The following CORO2B variants were observed in gnomAD, a reference collection of about 807,000 sequenced individuals.
CORO2B encodes the protein coronin 2B.
Under a neutral mutation model 58.8 loss-of-function variants are expected in CORO2B, and 26 were observed. That is an observed-to-expected ratio of 0.44 (90% CI 0.32 to 0.61). The LOEUF (loss-of-function observed/expected upper bound fraction) is 0.61, where lower values mean the gene tolerates loss of function less well. Ranked by LOEUF, CORO2B falls within the 20% of genes least tolerant of loss-of-function variation. CORO2B has a pLI of 0.04. For missense variants in CORO2B, 460 were observed against 645.1 expected (o/e 0.71, Z 3.11); for synonymous variants, 242 against 253.8 (o/e 0.95, Z 0.44).
the CORO2B span, among the ~76,000 whole-genome samples, chr15:68,526,459 C>A: frequency 6.6e-6 from 1 of 152,094 alleles, no homozygotes; most frequent in South Asian, 2.1e-4. Context: ...TGTAGTCATA[C>A]CTCATTGTGG....
At chr15:68,647,563 C>T (rs538548488) in intron 2 of CORO2B, among the ~76,000 whole-genome samples, 60 of 152,022 alleles carry the variant, frequency 3.9e-4, no homozygotes, top group South Asian at 8.3e-4. Context: ...GTGGCACATG[C>T]CTGTAATTCC....
chr15:68,603,062 G>A (rs778547724), intron 1 of CORO2B, among the ~76,000 whole-genome samples: 1 of 152,116 alleles, frequency 6.6e-6, no homozygotes, highest in Non-Finnish European at 1.5e-5. Context: ...GTCTGTCAAC[G>A]GTCTGTTAGG....
chr15:68,583,283 A>G (rs1401168515), intron 1 of CORO2B, among the ~76,000 whole-genome samples: 1 of 152,212 alleles, frequency 6.6e-6, no homozygotes, highest in East Asian at 1.9e-4. Flanking sequence ...AAAATTTTGG[A>G]GCGGGCAAAT....
chr15:68,577,993 T>C (rs758624099), upstream of CORO2B, among the ~76,000 whole-genome samples: 1 of 152,184 alleles, frequency 6.6e-6, no homozygotes, highest in Non-Finnish European at 1.5e-5. Flanking sequence ...AGAACCCCTC[T>C]GCTTCCACCT....
chr15:68,603,388 C>G (rs940960138), intron 1 of CORO2B, among the ~76,000 whole-genome samples: 6 of 152,154 alleles, frequency 3.9e-5, no homozygotes, highest in Admixed American at 1.3e-4. Flanking sequence ...GCTAATCATA[C>G]TAGTGTGAGG....
chr15:68,561,385 G>A, the CORO2B span, among the ~76,000 whole-genome samples: 6 of 136,094 alleles, frequency 4.4e-5, no homozygotes, highest in African/African-American at 8.1e-5. Context: ...CTCCCTCCCC[G>A]ACTCTCCCCT....
At chr15:68,674,270 C>T (rs982183033) in intron 2 of CORO2B, among the ~76,000 whole-genome samples, 1 of 152,172 alleles carries the variant, frequency 6.6e-6, no homozygotes, top group South Asian at 2.1e-4. Context: ...AAGAAGCAAC[C>T]CTTTGGGGTC....
chr15:68,670,139 C>T (rs1902340029), intron 2 of CORO2B, among the ~76,000 whole-genome samples: 1 of 151,906 alleles, frequency 6.6e-6, no homozygotes. Flanking sequence ...TAGTAGAGGT[C>T]TGGATCAGAA....
chr15:68,553,883 G>A, the CORO2B span, among the ~76,000 whole-genome samples: 6 of 152,234 alleles, frequency 3.9e-5, no homozygotes, highest in Non-Finnish European at 8.8e-5. Context: ...GTTTGGATGT[G>A]TCCCTGAGAG....
the CORO2B span, among the ~76,000 whole-genome samples, chr15:68,557,937 G>C: frequency 7.2e-5 from 11 of 152,170 alleles, no homozygotes; most frequent in Non-Finnish European, 1.3e-4. Flanking sequence ...AATATATTAC[G>C]TCTGTCCAGT....
chr15:68,590,373 C>T (rs1899672558), intron 1 of CORO2B, among the ~76,000 whole-genome samples: 1 of 152,168 alleles, frequency 6.6e-6, no homozygotes, highest in Admixed American at 6.5e-5. Context: ...CATGCCCAGC[C>T]CTGCACTTCT....
chr15:68,584,759 C>T (rs1225603594), intron 1 of CORO2B, among the ~76,000 whole-genome samples: 2 of 152,240 alleles, frequency 1.3e-5, no homozygotes, highest in Non-Finnish European at 2.9e-5. Flanking sequence ...CCCATTCCTT[C>T]CCCTGTAGGC....
At chr15:68,527,154 T>C in the CORO2B span, among the ~76,000 whole-genome samples, 1 of 152,218 alleles carries the variant, frequency 6.6e-6, no homozygotes, top group Non-Finnish European at 1.5e-5. Flanking sequence ...GTTATGTAAG[T>C]TACCCAGTCT....
chr15:68,565,441 T>C, the CORO2B span, among the ~76,000 whole-genome samples: 1 of 151,698 alleles, frequency 6.6e-6, no homozygotes, highest in African/African-American at 2.4e-5. Context: ...TAACTCTGAC[T>C]CATTTCTGCT....
At chr15:68,621,955 A>G (rs1180900318) in intron 1 of CORO2B, among the ~76,000 whole-genome samples, 1 of 151,960 alleles carries the variant, frequency 6.6e-6, no homozygotes, top group Non-Finnish European at 1.5e-5. Context: ...TTGTAGAGAT[A>G]GGTTCTCACT....
chr15:68,521,594 C>T, the CORO2B span, among the ~76,000 whole-genome samples: 37 of 151,910 alleles, frequency 2.4e-4, no homozygotes, highest in East Asian at 3.7e-3. Context: ...AACTTTATTT[C>T]GCATACACTT....
chr15:68,676,650 C>T (rs1293466919), intron 2 of CORO2B, among the ~76,000 whole-genome samples: 1 of 152,244 alleles, frequency 6.6e-6, no homozygotes, highest in Non-Finnish European at 1.5e-5. Context: ...GCTGTCACCT[C>T]TGTGCTAGCA....
At chr15:68,711,452 T>C in intron 4 of CORO2B, 90 bp from the exon 5 acceptor site, 1 of 1,210,940 alleles carries the variant, frequency 8.3e-7, no homozygotes, top group Non-Finnish European at 1.1e-6. Flanking sequence ...ATGGGGCGCT[T>C]CTCCCAGGGC....
At chr15:68,531,564 GAGAA>G in the CORO2B span, among the ~76,000 whole-genome samples, 181 of 131,166 alleles carry the variant, frequency 1.4e-3, no homozygotes, top group African/African-American at 5.0e-3. Flanking sequence ...AGGAAAGAAA[GAGAA>G]AGAAAGAGAA....
Sources: allele counts gnomAD v4.1 joint callset (sites outside exome capture counted in the v4.1 genomes callset), GRCh38; gene constraint gnomAD v4.1.1; transcripts MANE v1.5; gene names NCBI Gene and HGNC (gene_info 2026-07-23, HGNC 2026-07-21).